Variants in GOLM2 observed in about 807,000 individuals in gnomAD.
The protein encoded by GOLM2 is protein GOLM2.
Under a neutral mutation model 55.9 loss-of-function variants are expected in GOLM2, and 26 were observed. The observed-to-expected ratio is 0.47, with a 90% CI of 0.34 to 0.65. The LOEUF (loss-of-function observed/expected upper bound fraction) is 0.65. GOLM2 is among the 30% of genes least tolerant of loss of function. GOLM2 has a pLI of 0.01. For missense variants in GOLM2, 486 were observed against 531.8 expected (o/e 0.91, Z 0.85); for synonymous variants, 165 against 194.6 (o/e 0.85, Z 1.27).
chr15:44,362,848 G>T (rs1005751502), intron 6 of GOLM2, among the ~76,000 whole-genome samples: 6 of 152,010 alleles, frequency 3.9e-5, no homozygotes, highest in Non-Finnish European at 5.9e-5. Context: ...AACAGAGATA[G>T]AGATCAATGG....
chr15:44,301,992 A>C (rs1259694546), intron 1 of GOLM2, among the ~76,000 whole-genome samples: 1 of 145,622 alleles, frequency 6.9e-6, no homozygotes, highest in Non-Finnish European at 1.5e-5. Flanking sequence ...ATCCTATCTC[A>C]AAAAAAAAAG....
At chr15:44,379,392 C>T (rs1342029479) in intron 6 of GOLM2, among the ~76,000 whole-genome samples, 3 of 151,916 alleles carry the variant, frequency 2.0e-5, no homozygotes, top group Non-Finnish European at 1.5e-5. Context: ...CAGGGAGAAT[C>T]GCTGGAACGC....
chr15:44,300,592 T>C (rs947729897), intron 1 of GOLM2, among the ~76,000 whole-genome samples: 5 of 152,188 alleles, frequency 3.3e-5, no homozygotes, highest in African/African-American at 1.2e-4. Context: ...ACTTACTCCA[T>C]AGAGGCAAAC....
intron 6 of GOLM2, among the ~76,000 whole-genome samples, chr15:44,368,303 ATTT>A (rs1245673474): frequency 8.6e-6 from 1 of 115,686 alleles, no homozygotes; most frequent in Non-Finnish European, 1.8e-5. Flanking sequence ...ACGCCCAGCT[ATTT>A]TTTTTTTTTT....
At chr15:44,314,192 G>A (rs1404267479) in intron 1 of GOLM2, among the ~76,000 whole-genome samples, 6 of 151,032 alleles carry the variant, frequency 4.0e-5, no homozygotes, top group Non-Finnish European at 7.4e-5. Flanking sequence ...AGCTGAGATC[G>A]CGCCACTGCA....
chr15:44,407,264 T>TTA (rs538117540), intron 9 of GOLM2, among the ~76,000 whole-genome samples: 23 of 147,010 alleles, frequency 1.6e-4, no homozygotes, highest in South Asian at 1.1e-3. Context: ...TATTATATAT[T>TTA]TATATATATA....
intron 6 of GOLM2, chr15:44,348,521 T>C (rs758337714): frequency 5.3e-5 from 8 of 152,160 alleles, no homozygotes; most frequent in Non-Finnish European, 1.0e-4. Context: ...ACCAGGTAGA[T>C]TTCTGACATT....
chr15:44,370,487 C>T (rs2079322636), intron 6 of GOLM2, among the ~76,000 whole-genome samples: 1 of 152,028 alleles, frequency 6.6e-6, no homozygotes, highest in South Asian at 2.1e-4. Flanking sequence ...CATTTGAGCT[C>T]AGGAGATTGA....
chr15:44,373,670 C>A (rs1039332796), intron 6 of GOLM2, among the ~76,000 whole-genome samples: 1 of 151,950 alleles, frequency 6.6e-6, no homozygotes, highest in African/African-American at 2.4e-5. Flanking sequence ...AAGAGAATTG[C>A]TTGAACCCAG....
intron 4 of GOLM2, among the ~76,000 whole-genome samples, chr15:44,336,404 G>A (rs1191041260): frequency 4.0e-5 from 6 of 149,366 alleles, no homozygotes; most frequent in East Asian, 4.0e-4. Flanking sequence ...GGCATGAGCC[G>A]CCGTGCCTGG....
intron 8 of GOLM2, among the ~76,000 whole-genome samples, chr15:44,383,726 G>GAGTGCAGT (rs977740594): frequency 2.0e-5 from 3 of 147,090 alleles, no homozygotes; most frequent in African/African-American, 7.6e-5. Flanking sequence ...CCCAGGCTTG[G>GAGTGCAGT]AGTGCAGTGG....
chr15:44,381,714 G>A (rs2079404383), intron 8 of GOLM2, among the ~76,000 whole-genome samples: 1 of 152,194 alleles, frequency 6.6e-6, no homozygotes, highest in African/African-American at 2.4e-5. Context: ...ACTGTGCAGA[G>A]CACTGGTTAG....
chr15:44,412,615 GA>G (rs993435580), intron 9 of GOLM2, among the ~76,000 whole-genome samples: 21 of 150,156 alleles, frequency 1.4e-4, no homozygotes, highest in South Asian at 2.1e-4. Context: ...TTATAATTTA[GA>G]AAAAAAAATT....
At chr15:44,365,767 G>A (rs941103003) in intron 6 of GOLM2, among the ~76,000 whole-genome samples, 1 of 152,114 alleles carries the variant, frequency 6.6e-6, no homozygotes, top group Non-Finnish European at 1.5e-5. Context: ...GGGGAGACAT[G>A]TCATTATACA....
intron 6 of GOLM2, among the ~76,000 whole-genome samples, chr15:44,356,091 G>A (rs1412358869): frequency 1.3e-5 from 2 of 151,912 alleles, no homozygotes; most frequent in African/African-American, 2.4e-5. Context: ...CATGCTTAGA[G>A]GGAAATGTAT....
At chr15:44,355,207 C>A (rs74401472) in intron 6 of GOLM2, 10,769 of 167,558 alleles carry the variant, frequency 0.064, 642 homozygotes, top group East Asian at 0.19. Context: ...GGAGGGACTC[C>A]TGACCACAGT....
chr15:44,332,189 C>T (rs2079026881), intron 4 of GOLM2, 111 bp downstream of exon 4: 1 of 597,480 alleles, frequency 1.7e-6, no homozygotes, highest in Non-Finnish European at 2.9e-6. Context: ...GTTTTCCAGC[C>T]AGCCTAATTC....
intron 6 of GOLM2, among the ~76,000 whole-genome samples, chr15:44,356,933 G>A (rs981369871): frequency 7.9e-5 from 12 of 152,148 alleles, no homozygotes; most frequent in African/African-American, 2.9e-4. Flanking sequence ...CACTTTGGGA[G>A]GCCAAGGTGG....
intron 9 of GOLM2, among the ~76,000 whole-genome samples, chr15:44,410,725 G>A (rs1425901898): frequency 6.8e-6 from 1 of 146,108 alleles, no homozygotes; most frequent in East Asian, 2.0e-4. Flanking sequence ...GTGAAACCCT[G>A]TCTCTACAAA....
Sources: allele counts gnomAD v4.1 joint callset (sites outside exome capture counted in the v4.1 genomes callset), GRCh38; gene constraint gnomAD v4.1.1; transcripts MANE v1.5; gene names NCBI Gene and HGNC (gene_info 2026-07-23, HGNC 2026-07-21).